The following TLE2 variants were observed in gnomAD, a reference collection of about 807,000 sequenced individuals.
TLE2 encodes the protein transducin-like enhancer protein 2.
In TLE2, 74 loss-of-function variants were observed where a neutral mutation model predicts 97.2. The ratio of observed to expected loss-of-function variants is 0.76; its 90% CI spans 0.63 to 0.92. The LOEUF (loss-of-function observed/expected upper bound fraction) is 0.92. Among genes scored for constraint, TLE2 ranks in the 40% least tolerant of loss-of-function variants. The pLI is 0.00. For synonymous variants in TLE2, 499 were observed against 432.1 expected (o/e 1.15, Z -1.92); for missense variants, 1,038 against 1,008.7 (o/e 1.03, Z -0.39).
chr19:3,000,434 C>G lies in TLE2; in HGVS notation c.2124+213G>C, dbSNP rs192255183. Reference sequence around the variant, plus strand: ...TTACTGCAACTAAATTTTAGAAAAACCAACAGGCTACGGGCAGATGAGGCG... The same window carrying G: ...TTACTGCAACTAAATTTTAGAAAAAGCAACAGGCTACGGGCAGATGAGGCG... On this transcript the variant is annotated intron_variant, in intron 19 of 19. Coordinates refer to ENST00000262953, the MANE Select transcript of TLE2 (RefSeq NM_003260.5). Among the ~76,000 whole-genome samples, 1,054 of 152,114 alleles carry G rather than the reference C, an allele frequency of 6.9e-3. 10 individuals are homozygous for G. The highest frequency in any genetic ancestry group is 0.024 in the African/African-American group (998 of 41,506).
chr19:3,024,942 C>T (rs909944764), intron 5 of TLE2, 78 bp downstream of exon 5: 7 of 1,267,862 alleles, frequency 5.5e-6, no homozygotes, highest in Non-Finnish European at 7.8e-6. Context: ...GTGCCTGGGG[C>T]GTCCTCGCCC....
rs555644614 is a variant in TLE2 at position 3,006,257 on chromosome 19, C to T, written c.1500+163G>A. On this transcript the variant is annotated intron_variant, in intron 15 of 19. Transcript: ENST00000262953. Reference sequence around the variant, plus strand: ...TTGGCCAGAGCCCCACCCCTTTGGCCTGCAAGCCTTGTCCCATGCGACTAC... The same window carrying T: ...TTGGCCAGAGCCCCACCCCTTTGGCTTGCAAGCCTTGTCCCATGCGACTAC... 16 of 1,258,206 alleles carry T rather than the reference C, an allele frequency of 1.3e-5. No individual in the cohort carries two copies. The East Asian group carries it at 3.5e-4, about 27-fold the overall frequency. The allele number at this position is 1,258,206 out of a possible 1,614,324, so 77.9% of individuals were successfully genotyped here. A position where few individuals can be genotyped will look rare whatever the true frequency, so the allele number is the denominator to read the frequency against.
In TLE2 at chr19:3,024,546, T is replaced by C. The variant is rs185031138; in HGVS notation, c.294+474A>G. Among the ~76,000 whole-genome samples the C allele has an allele frequency of 4.2e-3, 639 of 152,172 alleles. 13 individuals are homozygous for C. The highest frequency in any genetic ancestry group is 0.036 in the Admixed American group (554 of 15,266). On this transcript the variant is annotated intron_variant, in intron 5 of 19. Coordinates refer to ENST00000262953, the MANE Select transcript of TLE2 (RefSeq NM_003260.5). ...CTCCTAGGAGTGGATCACCCAGTGT[T>C]TGTCCCTCAGTGACTTCTTCTAGCA...
intron 1 of TLE2, among the ~76,000 whole-genome samples, chr19:3,041,010 TATA>T (rs143708978): frequency 9.5e-4 from 41 of 43,094 alleles, no homozygotes; most frequent in African/African-American, 4.4e-3. Flanking sequence ...TATATATATA[TATA>T]TTTTTTTTTT....
At position 3,028,806 on chromosome 19, in the gene TLE2, G is replaced by T. The variant is rs202223987; in HGVS notation, c.25-3C>A. On this transcript the variant is annotated splice_region_variant and splice_polypyrimidine_tract_variant and intron_variant, in intron 1 of 19. Transcript: ENST00000262953. ...GGCTGGCCGGACTGGAGCGGGGTCT[G>T]GGGGGGGTGTGGGGGAAACGTCAGG... 1.6e-4 allele frequency: 253 copies of T among 1,586,058 alleles called. No individual in the cohort carries two copies. In the African/African-American group the frequency reaches 2.6e-3, roughly 16 times the overall value.
intron 4 of TLE2, chr19:3,025,736 C>CTG: frequency 4.8e-6 from 2 of 419,856 alleles, no homozygotes; most frequent in Non-Finnish European, 6.4e-6. Flanking sequence ...TACAGGTGTG[C>CTG]TGTGTGTCTG....
chr19:3,030,641 G>A (rs760031919), upstream of TLE2, among the ~76,000 whole-genome samples: 53 of 152,058 alleles, frequency 3.5e-4, 1 homozygote, highest in Non-Finnish European at 3.2e-4. Flanking sequence ...CCTTATCAAT[G>A]GGCCAGGGGT....
Position 3,006,515 on chromosome 19 carries a change from T to C in TLE2, c.1405A>G (p.Thr469Ala), listed in dbSNP as rs375622611. ...TTGCCGCCCGTGTACACATGCTGTG[T>C]GGAGCCGCTGATGGTGACCGCGCAG... is the stretch of plus-strand genomic sequence containing the variant. Reference protein sequence around the residue: ...VVCAVTISGSTQHVYTGGKGC... With the variant: ...VVCAVTISGSAQHVYTGGKGC... The change falls in exon 15 of 20, where the codon ACA (threonine) becomes GCA (alanine). Residue 469 changes from threonine (T) to alanine (A), a missense_variant. Physicochemically the swap from Thr to Ala is moderately conservative, Grantham distance 58. Transcript: ENST00000262953. The C allele has an allele frequency of 3.1e-6, 5 of 1,608,050 alleles. No individual in the cohort carries two copies. In the African/African-American group the frequency reaches 6.7e-5, roughly 22 times the overall value.
At chr19:3,000,395 ATAT>A (rs1460338647) in intron 19 of TLE2, among the ~76,000 whole-genome samples, 1 of 152,060 alleles carries the variant, frequency 6.6e-6, no homozygotes, top group African/African-American at 2.4e-5. Flanking sequence ...AAATTTTATA[ATAT>A]TATATGCATG....
At chr19:3,023,784 C>G (rs1177408347) in intron 5 of TLE2, among the ~76,000 whole-genome samples, 22 of 151,682 alleles carry the variant, frequency 1.5e-4, no homozygotes, top group Admixed American at 1.4e-3. Context: ...CCCAGCTACT[C>G]AGGAGGCTGA....
At chr19:3,023,278 C>T (rs1017615691) in intron 5 of TLE2, among the ~76,000 whole-genome samples, 1 of 152,106 alleles carries the variant, frequency 6.6e-6, no homozygotes. Context: ...CCTCATGACC[C>T]GCACGCCTTG....
intron 1 of TLE2, among the ~76,000 whole-genome samples, chr19:3,036,988 TTTAA>T (rs1294094067): frequency 6.6e-6 from 1 of 152,106 alleles, no homozygotes; most frequent in Non-Finnish European, 1.5e-5. Context: ...GGTGGTAGTA[TTTAA>T]TAGATGTTGG....
At chr19:3,016,775 G>A (rs556554463) in intron 8 of TLE2, among the ~76,000 whole-genome samples, 3 of 151,894 alleles carry the variant, frequency 2.0e-5, no homozygotes, top group Non-Finnish European at 4.4e-5. Flanking sequence ...AAAAGCTGGA[G>A]GTTGAAATTT....
chr19:3,023,059 T>C (rs2013994), intron 5 of TLE2, among the ~76,000 whole-genome samples: 36,904 of 113,352 alleles, frequency 0.33, 5,470 homozygotes, highest in African/African-American at 0.51. Context: ...ACCTAATCTT[T>C]TTTTTTTTTT....
At chr19:3,028,838 G>C in intron 1 of TLE2, 35 bp from the exon 2 acceptor site, 1 of 1,611,962 alleles carries the variant, frequency 6.2e-7, no homozygotes, top group Non-Finnish European at 8.5e-7. Context: ...CAGGGTCTGA[G>C]TTCCCGGACA....
At chr19:3,024,433 C>T (rs949241165) in intron 5 of TLE2, among the ~76,000 whole-genome samples, 9 of 152,040 alleles carry the variant, frequency 5.9e-5, no homozygotes, top group Non-Finnish European at 8.8e-5. Flanking sequence ...ATTTCTGTCC[C>T]CATAAAACTC....
chr19:3,044,770 T>C (rs1305013852), intron 1 of TLE2, among the ~76,000 whole-genome samples: 3 of 152,196 alleles, frequency 2.0e-5, no homozygotes, highest in Admixed American at 6.6e-5. Flanking sequence ...ACCTACTGTG[T>C]GCCAGGCATG....
intron 19 of TLE2, among the ~76,000 whole-genome samples, chr19:2,999,524 A>G (rs559317868): frequency 2.5e-4 from 37 of 150,876 alleles, no homozygotes; most frequent in Non-Finnish European, 4.1e-4. Flanking sequence ...TCAGGAGATC[A>G]AGACCATCCT....
In TLE2 at chr19:3,019,401, C is replaced by T; in HGVS notation, c.432G>A (p.Gly144=). 6.5e-7 allele frequency: 1 copy of T among 1,540,370 alleles called. No homozygotes were observed. Among genetic ancestry groups the T allele is most frequent in the Non-Finnish European group, 8.7e-7 (1 of 1,148,736 alleles). The change falls in exon 7 of 20, where the codon GGG becomes GGA. Residue 144 remains glycine, a synonymous_variant. Coordinates refer to ENST00000262953, the MANE Select transcript of TLE2 (RefSeq NM_003260.5). This position sits in a 1 kb window ranked among gnomAD's most constrained non-coding sequence, Gnocchi z 5.1. ...GCCCCGTAGCACTGCCGCCCACCAG[C>T]CCGGCTGGGCGGGGGGTGAGGGGCA... ...PPVPLTPRPA[G]LVGGSATGLL...
Sources: allele counts gnomAD v4.1 joint callset (sites outside exome capture counted in the v4.1 genomes callset), GRCh38; gene constraint gnomAD v4.1.1; non-coding constraint Gnocchi (gnomAD v3.1); transcripts MANE v1.5; gene names NCBI Gene and HGNC (gene_info 2026-07-23, HGNC 2026-07-21).